Variants in VIRMA observed in about 807,000 individuals in gnomAD.
The protein encoded by VIRMA is vir like m6A methyltransferase associated.
Under a neutral mutation model 182.4 loss-of-function variants are expected in VIRMA, and 65 were observed. The ratio of observed to expected loss-of-function variants is 0.36; its 90% CI spans 0.29 to 0.44. VIRMA has a LOEUF of 0.44. Ranked by LOEUF, VIRMA falls within the 20% of genes least tolerant of loss-of-function variation. VIRMA has a pLI of 1.00. For missense variants in VIRMA, 1,752 were observed against 2,158.1 expected (o/e 0.81, Z 3.73); for synonymous variants, 709 against 743.1 (o/e 0.95, Z 0.75).
chr8:94,536,991 G>GAAAA, intron 4 of VIRMA, 112 bp downstream of exon 4: 2 of 642,624 alleles, frequency 3.1e-6, no homozygotes, highest in Non-Finnish European at 5.3e-6. Context: ...AAAACACAAA[G>GAAAA]AAAAAAAAAA....
At chr8:94,518,829 A>T (rs539963651) in intron 9 of VIRMA, among the ~76,000 whole-genome samples, 156 bp downstream of exon 9, 25 of 152,144 alleles carry the variant, frequency 1.6e-4, no homozygotes, top group Non-Finnish European at 3.4e-4. Flanking sequence ...TATTTTAGAG[A>T]TTTCTGTCAC....
chr8:94,496,144 T>C (rs1813766374), intron 18 of VIRMA, 184 bp downstream of exon 18: 1 of 633,554 alleles, frequency 1.6e-6, no homozygotes, highest in Admixed American at 3.3e-5. Context: ...CTTCATGTAC[T>C]CCTTAAAATT....
chr8:94,516,420 T>C (rs1586084998), intron 10 of VIRMA, among the ~76,000 whole-genome samples: 1 of 151,998 alleles, frequency 6.6e-6, no homozygotes. Flanking sequence ...AACTCAAAAC[T>C]CTCCCAGAAG....
rs774397804 is a variant in VIRMA at position 94,529,053 on chromosome 8, T to C, written c.880+17A>G. On this transcript the variant is annotated intron_variant, in intron 7 of 23. Coordinates refer to ENST00000297591, the MANE Select transcript of VIRMA (RefSeq NM_015496.5). Reference sequence around the variant, plus strand: ...TTCTAGTACTTAAACCCCAAAGTCCTAGCTAACATAACCCACCTTCACCTT... The same window carrying C: ...TTCTAGTACTTAAACCCCAAAGTCCCAGCTAACATAACCCACCTTCACCTT... 5.0e-6 allele frequency: 8 copies of C among 1,611,564 alleles called. No individual in the cohort carries two copies. The Admixed American group carries it at 1.2e-4, about 24-fold the overall frequency.
At chr8:94,495,007 CA>C in intron 19 of VIRMA, 51 bp from the exon 20 acceptor site, 5 of 1,298,988 alleles carry the variant, frequency 3.8e-6, no homozygotes, top group East Asian at 4.7e-5. Flanking sequence ...AATCAAATTT[CA>C]ATTTTTTTTT....
At chr8:94,508,884 T>C (rs1184942114) in intron 15 of VIRMA, among the ~76,000 whole-genome samples, 1 of 151,810 alleles carries the variant, frequency 6.6e-6, no homozygotes, top group Non-Finnish European at 1.5e-5. Context: ...CATAGAAATC[T>C]CCAAAGATCT....
chr8:94,518,688 G>A (rs1350194536), intron 9 of VIRMA, among the ~76,000 whole-genome samples: 2 of 152,196 alleles, frequency 1.3e-5, no homozygotes. Flanking sequence ...CTTAAGGTAC[G>A]TATTCCTGTG....
chr8:94,507,538 T>C (rs1814200563), intron 15 of VIRMA, among the ~76,000 whole-genome samples: 1 of 151,906 alleles, frequency 6.6e-6, no homozygotes, highest in African/African-American at 2.4e-5. Context: ...GTGGATTACC[T>C]GAGGCCAGGA....
intron 13 of VIRMA, 198 bp downstream of exon 13, chr8:94,510,987 C>A (rs1814350111): frequency 7.2e-7 from 1 of 1,381,810 alleles, no homozygotes; most frequent in Non-Finnish European, 9.3e-7. Context: ...CTCACTTTAA[C>A]AAAAATTTAT....
chr8:94,521,741 T>C (rs1586090379), intron 8 of VIRMA, among the ~76,000 whole-genome samples: 1 of 152,200 alleles, frequency 6.6e-6, no homozygotes, highest in African/African-American at 2.4e-5. Context: ...TCAGTCCTAT[T>C]ACTATTTAAA....
chr8:94,546,501 C>T (rs567730369), intron 1 of VIRMA, among the ~76,000 whole-genome samples: 1 of 151,300 alleles, frequency 6.6e-6, no homozygotes, highest in East Asian at 1.9e-4. Flanking sequence ...TACTACATCA[C>T]TCCAATATGA....
In VIRMA at chr8:94,526,626, AAAGTAT is replaced by A. The variant is rs1814979579; in HGVS notation, c.1612_1617del (p.Ile538_Leu539del). 6.2e-7 allele frequency: 1 copy of A among 1,614,068 alleles called. No homozygotes were observed. The highest frequency in any genetic ancestry group is 1.3e-5 in the African/African-American group (1 of 74,924). ...GTAACAACCCTCACAGTCTGATCTA[AAAGTAT>A]GAGTTCCAGAAGCTTTTGATAACCA... On this transcript the variant is annotated inframe_deletion, in exon 8 of 24. Coordinates refer to ENST00000297591, the MANE Select transcript of VIRMA (RefSeq NM_015496.5).
Position 94,501,129 on chromosome 8 carries a change from G to A in VIRMA, c.4098-1623C>T, listed in dbSNP as rs544272958. On this transcript the variant is annotated intron_variant, in intron 16 of 23. Coordinates refer to ENST00000297591, the MANE Select transcript of VIRMA (RefSeq NM_015496.5). ...AAATTAGCCAGGCATGGTGGCAGGC[G>A]CCTGTAATCCCAGCTACTCGGGAGG... Among the ~76,000 whole-genome samples the A allele has an allele frequency of 1.6e-4, 24 of 151,754 alleles. No homozygotes were observed. The South Asian group carries it at 4.8e-3, about 30-fold the overall frequency.
intron 15 of VIRMA, 77 bp downstream of exon 15, chr8:94,509,611 T>C: frequency 1.4e-6 from 2 of 1,439,966 alleles, no homozygotes; most frequent in Non-Finnish European, 1.9e-6. Context: ...AAAATTTACA[T>C]CAAGATGCTT....
At chr8:94,552,909 G>C (rs140983674) in intron 1 of VIRMA, among the ~76,000 whole-genome samples, 6 of 152,124 alleles carry the variant, frequency 3.9e-5, no homozygotes, top group African/African-American at 1.4e-4. Context: ...CCTAAACCAA[G>C]TAAGTGTCAC....
rs776207879 is a variant in VIRMA at position 94,526,260 on chromosome 8, G to A, written c.1984C>T (p.Pro662Ser). ...SFPTMARITG[P>S]PERDDPYPVL... ...GGGTATGGATCATCCCTCTCTGGAGGTCCAGTAATTCGTGCCATCGTTGGG... is the reference window on the plus strand; with the variant it reads ...GGGTATGGATCATCCCTCTCTGGAGATCCAGTAATTCGTGCCATCGTTGGG... The change falls in exon 8 of 24, where the codon CCT becomes TCT. Residue 662 changes from proline (P) to serine (S), a missense_variant. Around this residue, in one of 11 missense-constraint regions of VIRMA, gnomAD observed 401 missense variants for 455.1 expected, o/e 0.88. Transcript: ENST00000297591. 6 of 1,613,594 alleles carry A rather than the reference G, an allele frequency of 3.7e-6. No homozygotes were observed. Among genetic ancestry groups the A allele is most frequent in the East Asian group, 2.2e-5 (1 of 44,874 alleles).
chr8:94,509,243 A>G (rs1432503658), intron 15 of VIRMA, among the ~76,000 whole-genome samples: 1 of 152,118 alleles, frequency 6.6e-6, no homozygotes, highest in Non-Finnish European at 1.5e-5. Context: ...TCTACTAAAA[A>G]TACAAAAATT....
intron 20 of VIRMA, 56 bp downstream of exon 20, chr8:94,494,804 A>G: frequency 9.5e-7 from 1 of 1,053,682 alleles, no homozygotes; most frequent in South Asian, 1.4e-5. Context: ...CTAACAATAT[A>G]TAAAGAAACA....
intron 16 of VIRMA, among the ~76,000 whole-genome samples, chr8:94,500,643 G>GA (rs1813936684): frequency 6.9e-6 from 1 of 144,196 alleles, no homozygotes; most frequent in Non-Finnish European, 1.5e-5. Flanking sequence ...TTGGAAAACA[G>GA]TTCGGTAGTT....
Sources: allele counts gnomAD v4.1 joint callset (sites outside exome capture counted in the v4.1 genomes callset), GRCh38; gene constraint gnomAD v4.1.1; regional missense constraint gnomAD v4.1.1; transcripts MANE v1.5; gene names NCBI Gene and HGNC (gene_info 2026-07-23, HGNC 2026-07-21).